The following MTA1 variants were observed in gnomAD, a reference collection of about 807,000 sequenced individuals.
MTA1 encodes metastasis-associated protein MTA1.
Under a neutral mutation model 97.0 loss-of-function variants are expected in MTA1, and 15 were observed. The observed-to-expected ratio is 0.15, with a 90% confidence interval of 0.10 to 0.24. MTA1 has a LOEUF of 0.24. Ranked by LOEUF, MTA1 falls within the 10% of genes least tolerant of loss-of-function variation. The probability of loss-of-function intolerance (pLI) is 1.00; values close to 1 mark genes in which losing one functional copy is unlikely to be tolerated. For synonymous variants in MTA1, 435 were observed against 417.5 expected (o/e 1.04, Z -0.51); for missense variants, 709 against 1,015.1 (o/e 0.70, Z 4.10).
intron 7 of MTA1, among the ~76,000 whole-genome samples, chr14:105,456,435 C>T (rs587648173): frequency 9.8e-5 from 15 of 152,300 alleles, no homozygotes; most frequent in South Asian, 6.2e-4. Context: ...TCCACAAGGC[C>T]GAGCCAGCCG....
At chr14:105,431,957 T>A (rs1352148432) in intron 1 of MTA1, among the ~76,000 whole-genome samples, 4 of 152,192 alleles carry the variant, frequency 2.6e-5, no homozygotes, top group African/African-American at 9.7e-5. Context: ...TCATGCCTTA[T>A]TGAACCAGTA....
intron 2 of MTA1, 63 bp from the exon 3 acceptor site, chr14:105,445,355 C>T (rs1220766671): frequency 6.6e-7 from 1 of 1,514,498 alleles, no homozygotes. Flanking sequence ...TGGAGCCCCT[C>T]CTGGGAGCTG....
chr14:105,466,394 G>T, intron 16 of MTA1, 32 bp from the exon 17 acceptor site: 1 of 1,589,538 alleles, frequency 6.3e-7, no homozygotes, highest in Non-Finnish European at 8.6e-7. Context: ...CTGGGCAGAG[G>T]CAACTCGTTC....
Position 105,454,374 on chromosome 14 carries a change from G to T in MTA1, c.550+64G>T, listed in dbSNP as rs1300277488. The T allele has an allele frequency of 5.9e-6, 7 of 1,183,758 alleles. No homozygotes were observed. In the African/African-American group the frequency reaches 9.0e-5, roughly 15 times the overall value. The allele number at this position is 1,183,758 out of a possible 1,614,324, so 73.3% of individuals were successfully genotyped here. Reference sequence around the variant, plus strand: ...GTCCTGTCCTGCCGGGTGACACACTGGGTGAGAGGAGGCTGGGACATGGCC... The same window carrying T: ...GTCCTGTCCTGCCGGGTGACACACTTGGTGAGAGGAGGCTGGGACATGGCC... On this transcript the variant is annotated intron_variant, in intron 7 of 20. Coordinates refer to ENST00000331320, the MANE Select transcript of MTA1 (RefSeq NM_004689.4).
intron 13 of MTA1, 73 bp downstream of exon 13, chr14:105,464,220 G>A: frequency 6.6e-7 from 1 of 1,518,728 alleles, no homozygotes; most frequent in South Asian, 1.2e-5. Flanking sequence ...TGGCCCTGAG[G>A]GCTCCAGCAT....
At chr14:105,427,949 CAG>C (rs140432050) in intron 1 of MTA1, among the ~76,000 whole-genome samples, 6,518 of 141,706 alleles carry the variant, frequency 0.046, 510 homozygotes, top group African/African-American at 0.16. Context: ...GTGCAGGACG[CAG>C]AGGTTGCAGT....
Position 105,445,403 on chromosome 14 carries a change from G to C in MTA1, c.97-15G>C, listed in dbSNP as rs1555426853. The C allele has an allele frequency of 6.2e-7, 1 of 1,612,744 alleles. No individual in the cohort carries two copies. The highest frequency in any genetic ancestry group is 8.5e-7 in the Non-Finnish European group (1 of 1,179,334). ...TTGGTCGCGTTTCTCAGACGCCCCT[G>C]CCTTGCTGTTACAGACGGCCAATGG... is the stretch of plus-strand genomic sequence containing the variant. On this transcript the variant is annotated splice_polypyrimidine_tract_variant and intron_variant, in intron 2 of 20. Transcript: ENST00000331320.
intron 1 of MTA1, among the ~76,000 whole-genome samples, chr14:105,427,733 G>C (rs587683798): frequency 5.3e-5 from 8 of 152,068 alleles, no homozygotes; most frequent in Non-Finnish European, 7.4e-5. Context: ...TTAAAGTAAG[G>C]TTTAGGCCGG....
chr14:105,419,935 C>G lies in MTA1; in HGVS notation c.-101C>G. 2.4e-6 allele frequency: 1 copy of G among 417,184 alleles called. No individual in the cohort carries two copies. Among genetic ancestry groups the G allele is most frequent in the Non-Finnish European group, 3.2e-6 (1 of 311,586 alleles). The allele number at this position is 417,184 out of a possible 1,614,324, so 25.8% of individuals were successfully genotyped here. On this transcript the variant is annotated 5_prime_UTR_variant, in exon 1 of 21. Transcript: ENST00000331320. ...GCAGCAGCGCGGCCCCTTTAAACGCCTGCGGCGCCCCCCGCCCCCGCCATC... is the reference window on the plus strand; with the variant it reads ...GCAGCAGCGCGGCCCCTTTAAACGCGTGCGGCGCCCCCCGCCCCCGCCATC...
chr14:105,451,440 G>A (rs2082924816), intron 6 of MTA1, among the ~76,000 whole-genome samples: 1 of 152,246 alleles, frequency 6.6e-6, no homozygotes, highest in South Asian at 2.1e-4. Context: ...CTCTCAGGCT[G>A]CCAGACCAGC....
chr14:105,470,311 C>T lies in MTA1; in HGVS notation c.*96C>T. 1.9e-6 allele frequency: 2 copies of T among 1,071,900 alleles called. No individual in the cohort carries two copies. Among genetic ancestry groups the T allele is most frequent in the Non-Finnish European group, 1.2e-6 (1 of 801,974 alleles). 66.4% of individuals were successfully genotyped at this position (1,071,900 alleles called of 1,614,324 possible). A position where few individuals can be genotyped will look rare whatever the true frequency, so the allele number is the denominator to read the frequency against. ...GCCCGCCCCTCAGTTTGGTAGTGCCCCACCTCCCGCCCTCACCTGCAGAGA... is the reference window on the plus strand; with the variant it reads ...GCCCGCCCCTCAGTTTGGTAGTGCCTCACCTCCCGCCCTCACCTGCAGAGA... On this transcript the variant is annotated 3_prime_UTR_variant, in exon 21 of 21. Coordinates refer to ENST00000331320, the MANE Select transcript of MTA1 (RefSeq NM_004689.4).
chr14:105,438,688 G>T lies in MTA1; in HGVS notation c.45G>T (p.Glu15Asp), dbSNP rs1311999247. 2 of 1,613,336 alleles carry T rather than the reference G, an allele frequency of 1.2e-6. No individual in the cohort carries two copies. Among genetic ancestry groups the T allele is most frequent in the Non-Finnish European group, 1.7e-6 (2 of 1,179,874 alleles). The change falls in exon 2 of 21, where the codon GAG becomes GAT. Residue 15 changes from glutamate (E) to aspartate (D), a missense_variant. Physicochemically the swap from Glu to Asp is conservative, Grantham distance 45 (BLOSUM62 2). This residue lies in a region of MTA1 where 321 missense variants were observed against 593.5 expected (regional missense o/e 0.54). Coordinates refer to ENST00000331320, the MANE Select transcript of MTA1 (RefSeq NM_004689.4). ...MYRVGDYVYF[E>D]NSSSNPYLIR... ...TGTTTGCAGACTACGTCTACTTTGA[G>T]AACTCCTCCAGCAACCCATACCTGA...
chr14:105,466,826 C>T (rs587719020), intron 18 of MTA1, 84 bp downstream of exon 18: 143 of 1,420,886 alleles, frequency 1.0e-4, no homozygotes, highest in African/African-American at 2.9e-5. Context: ...CCGCGGCGGG[C>T]GGCCCAGGGC....
At position 105,469,903 on chromosome 14, in the gene MTA1, G is replaced by A; in HGVS notation, c.1908G>A (p.Arg636=). ...ACCCCACCAAAGTGCGCCTGATCCG[G>A]GGGGGCTCCCTGCCCCCAGTCAAGC... ...KSYPTKVRLI[R]GGSLPPVKRR... The change falls in exon 20 of 21, where the codon CGG becomes CGA. Residue 636 remains arginine, a synonymous_variant. Transcript: ENST00000331320. 6.2e-7 allele frequency: 1 copy of A among 1,611,764 alleles called. No homozygotes were observed. Among genetic ancestry groups the A allele is most frequent in the Non-Finnish European group, 8.5e-7 (1 of 1,179,522 alleles).
chr14:105,451,820 C>T (rs1375301757), intron 6 of MTA1, among the ~76,000 whole-genome samples: 18 of 105,854 alleles, frequency 1.7e-4, no homozygotes, highest in East Asian at 5.7e-4. Context: ...GACAGAGTTT[C>T]GCTCTTGTTG....
At chr14:105,451,783 GTTTTTTTTTT>G (rs869240296) in intron 6 of MTA1, among the ~76,000 whole-genome samples, 36 of 31,398 alleles carry the variant, frequency 1.1e-3, no homozygotes, top group South Asian at 0.011. Context: ...TTCTTTTTTT[GTTTTTTTTTT>G]TTTTTTTTTT....
intron 10 of MTA1, among the ~76,000 whole-genome samples, chr14:105,461,346 G>A (rs1393975142): frequency 6.6e-6 from 1 of 152,356 alleles, no homozygotes; most frequent in East Asian, 1.9e-4. Context: ...GACTCCTCAT[G>A]TCCTTGTTTT....
rs587601357 is a variant in MTA1, at chr14:105,437,491, G to A, written c.29-1181G>A. 5.3e-5 allele frequency among the ~76,000 whole-genome samples: 8 copies of A among 151,812 alleles called. 1 individual carries two copies. In the South Asian group the frequency reaches 1.7e-3, roughly 32 times the overall value. On this transcript the variant is annotated intron_variant, in intron 1 of 20. Coordinates refer to ENST00000331320, the MANE Select transcript of MTA1 (RefSeq NM_004689.4). ...CTCATGGGTGTGTCCTCACGGGCAC[G>A]AGCCTGCAGGTGCGTCCTCACTGGC...
At chr14:105,468,638 G>A (rs2083697081) in intron 18 of MTA1, among the ~76,000 whole-genome samples, 2 of 152,194 alleles carry the variant, frequency 1.3e-5, no homozygotes. Flanking sequence ...GCTAAGCAGC[G>A]TTTCTGGAGC....
Sources: gnomAD v4.1 joint callset for allele counts (sites outside exome capture counted in the v4.1 genomes callset) on GRCh38, gnomAD v4.1.1 for gene constraint, gnomAD v4.1.1 regional missense constraint, MANE v1.5 for transcripts, NCBI Gene and HGNC (gene_info 2026-07-23, HGNC 2026-07-21) for gene names.